SH3GL2: variants seen among roughly 807,000 people sequenced by gnomAD.
SH3GL2 encodes the protein SH3 domain containing GRB2 like 2, endophilin A1, also known as endophilin-A1.
Under a neutral mutation model 46.0 loss-of-function variants are expected in SH3GL2, and 24 were observed. The observed-to-expected ratio is 0.52, with a 90% confidence interval of 0.38 to 0.73. SH3GL2 has a LOEUF of 0.73. SH3GL2 is among the 30% of genes least tolerant of loss of function. The probability of loss-of-function intolerance (pLI) is 0.00; values close to 1 mark genes in which losing one functional copy is unlikely to be tolerated. For synonymous variants in SH3GL2, 196 were observed against 147.1 expected, an observed-to-expected ratio of 1.33 and a Z score of -2.40; for missense variants, 413 against 424.2, an observed-to-expected ratio of 0.97 and a Z score of 0.23.
chr9:17,756,568 T>C (rs962347280), intron 2 of SH3GL2, among the ~76,000 whole-genome samples: 1 of 148,452 alleles, frequency 6.7e-6, no homozygotes, highest in Non-Finnish European at 1.5e-5. Context: ...GAGTGAGAAC[T>C]TGCGGTGTTT....
intron 7 of SH3GL2, among the ~76,000 whole-genome samples, chr9:17,791,584 C>T (rs1376550828): frequency 6.6e-6 from 1 of 152,160 alleles, no homozygotes; most frequent in Non-Finnish European, 1.5e-5. Flanking sequence ...ACAGGTGGAA[C>T]ACCAGGATGC....
intron 1 of SH3GL2, among the ~76,000 whole-genome samples, chr9:17,706,472 G>A (rs914705603): frequency 6.6e-6 from 1 of 152,074 alleles, no homozygotes; most frequent in Non-Finnish European, 1.5e-5. Flanking sequence ...CAGCGGGAGA[G>A]CAATTGCTCT....
chr9:17,607,983 G>A (rs1818790436), intron 1 of SH3GL2, among the ~76,000 whole-genome samples: 1 of 151,974 alleles, frequency 6.6e-6, no homozygotes, highest in African/African-American at 2.4e-5. Flanking sequence ...GTTTATTATG[G>A]TGAAGAAATT....
At chr9:17,645,353 G>A (rs1819788953) in intron 1 of SH3GL2, among the ~76,000 whole-genome samples, 1 of 151,050 alleles carries the variant, frequency 6.6e-6, no homozygotes, top group Non-Finnish European at 1.5e-5. Flanking sequence ...TTTTAATTGG[G>A]GCATTTATCC....
intron 1 of SH3GL2, among the ~76,000 whole-genome samples, chr9:17,661,278 A>G (rs996644528): frequency 5.9e-5 from 9 of 152,192 alleles, no homozygotes; most frequent in East Asian, 3.9e-4. Flanking sequence ...GGATAAAGCT[A>G]TGGGGGGCAG....
chr9:17,681,409 C>A (rs1820763337), intron 1 of SH3GL2, among the ~76,000 whole-genome samples: 1 of 152,142 alleles, frequency 6.6e-6, no homozygotes, highest in Non-Finnish European at 1.5e-5. Flanking sequence ...AATACAGGCA[C>A]ATTTCTAAAT....
intron 1 of SH3GL2, among the ~76,000 whole-genome samples, chr9:17,710,705 C>T (rs1368453809): frequency 6.6e-6 from 1 of 151,814 alleles, no homozygotes; most frequent in African/African-American, 2.4e-5. Flanking sequence ...TCGTTAAAAC[C>T]TTAACAAGGG....
At chr9:17,727,065 G>T (rs1263433130) in intron 1 of SH3GL2, among the ~76,000 whole-genome samples, 1 of 152,070 alleles carries the variant, frequency 6.6e-6, no homozygotes, top group East Asian at 1.9e-4. Flanking sequence ...ACCCAAATAG[G>T]TATCAGTGGG....
At chr9:17,739,943 G>A (rs968881869) in intron 1 of SH3GL2, among the ~76,000 whole-genome samples, 1 of 152,012 alleles carries the variant, frequency 6.6e-6, no homozygotes, top group African/African-American at 2.4e-5. Context: ...TAAAGTGTTT[G>A]GCAAGGAACA....
At chr9:17,722,494 G>A (rs2036949976) in intron 1 of SH3GL2, among the ~76,000 whole-genome samples, 1 of 151,956 alleles carries the variant, frequency 6.6e-6, no homozygotes, top group Non-Finnish European at 1.5e-5. Flanking sequence ...CAATGAGTGT[G>A]CAGTAAAATT....
chr9:17,742,066 A>G (rs1016937725), intron 1 of SH3GL2, among the ~76,000 whole-genome samples: 1 of 152,214 alleles, frequency 6.6e-6, no homozygotes, highest in Non-Finnish European at 1.5e-5. Flanking sequence ...GAACAAAATC[A>G]GGGAAATTAA....
chr9:17,732,458 A>T (rs1158182589), intron 1 of SH3GL2, among the ~76,000 whole-genome samples: 1 of 152,170 alleles, frequency 6.6e-6, no homozygotes, highest in African/African-American at 2.4e-5. Context: ...TGGAGCATAT[A>T]TCAGGCCTAC....
intron 1 of SH3GL2, among the ~76,000 whole-genome samples, chr9:17,606,964 A>T (rs984112735): frequency 6.6e-6 from 1 of 152,188 alleles, no homozygotes; most frequent in African/African-American, 2.4e-5. Context: ...CCTCCTGTAA[A>T]CACACAGTGA....
intron 5 of SH3GL2, among the ~76,000 whole-genome samples, chr9:17,789,051 C>G (rs975599651): frequency 6.6e-6 from 1 of 152,208 alleles, no homozygotes; most frequent in Non-Finnish European, 1.5e-5. Flanking sequence ...TGTGTCCTTT[C>G]ATTGTGTGTA....
intron 3 of SH3GL2, among the ~76,000 whole-genome samples, chr9:17,776,661 G>A (rs1208061545): frequency 9.1e-6 from 1 of 109,296 alleles, no homozygotes; most frequent in Admixed American, 1.0e-4. Context: ...TTTTCAAAAT[G>A]TCCCATCTTT....
At chr9:17,699,030 C>T (rs1821277588) in intron 1 of SH3GL2, among the ~76,000 whole-genome samples, 1 of 151,632 alleles carries the variant, frequency 6.6e-6, no homozygotes, top group Non-Finnish European at 1.5e-5. Context: ...TGGTGCGTGC[C>T]TGCAGTCTCA....
At chr9:17,733,577 C>G (rs1254177016) in intron 1 of SH3GL2, among the ~76,000 whole-genome samples, 6 of 150,386 alleles carry the variant, frequency 4.0e-5, no homozygotes, top group Non-Finnish European at 3.0e-5. Flanking sequence ...CCTCAGGGAT[C>G]TAGAACTAGA....
At chr9:17,659,142 C>T (rs933172045) in intron 1 of SH3GL2, among the ~76,000 whole-genome samples, 7 of 152,026 alleles carry the variant, frequency 4.6e-5, no homozygotes, top group African/African-American at 1.7e-4. Flanking sequence ...AGAAAAAGAA[C>T]GGGAAAGGGC....
At chr9:17,601,532 T>C (rs1818673145) in intron 1 of SH3GL2, among the ~76,000 whole-genome samples, 1 of 152,198 alleles carries the variant, frequency 6.6e-6, no homozygotes, top group African/African-American at 2.4e-5. Flanking sequence ...ATGTGCATAA[T>C]TTCCTTTTGT....
Sources: gnomAD v4.1 joint callset for allele counts (sites outside exome capture counted in the v4.1 genomes callset) on GRCh38, gnomAD v4.1.1 for gene constraint, MANE v1.5 for transcripts, NCBI Gene and HGNC (gene_info 2026-07-23, HGNC 2026-07-21) for gene names.